Variants in PTPRU observed in about 807,000 individuals in gnomAD.
PTPRU encodes the protein receptor-type tyrosine-protein phosphatase U.
A neutral mutation model predicts 166.3 loss-of-function variants in PTPRU; 69 were observed. That is an observed-to-expected ratio of 0.41 (90% confidence interval 0.34 to 0.51). The LOEUF (loss-of-function observed/expected upper bound fraction) is 0.51. Among genes scored for constraint, PTPRU ranks in the 20% least tolerant of loss-of-function variants. The pLI is 0.09. For synonymous variants in PTPRU, 793 were observed against 814.0 expected, an observed-to-expected ratio of 0.97 and a Z score of 0.44; for missense variants, 1,657 against 2,013.7, an observed-to-expected ratio of 0.82 and a Z score of 3.39.
chr1:29,313,228 C>A (rs1340411503), intron 22 of PTPRU, among the ~76,000 whole-genome samples: 2 of 152,090 alleles, frequency 1.3e-5, no homozygotes, highest in African/African-American at 2.4e-5. Context: ...AAATGGGGAC[C>A]CAGTACGCTG....
intron 15 of PTPRU, among the ~76,000 whole-genome samples, chr1:29,297,387 A>C (rs1353786653): frequency 6.6e-6 from 1 of 152,162 alleles, no homozygotes; most frequent in African/African-American, 2.4e-5. Flanking sequence ...TTCAGCTTAC[A>C]AATCAGGAAA....
Position 29,258,646 on chromosome 1 carries a change from C to T in PTPRU, c.347C>T (p.Thr116Ile). The part of the protein sequence containing the change: ...LYSRDGHSPG[T>I]LGVYVRVNGG... The stretch of plus-strand genomic sequence containing the variant: ...AGCCGGGACGGGCACAGCCCGGGCA[C>T]CCTGGGCGTCTACGTGCGCGTTAAT... The change falls in exon 3 of 30, where the codon ACC becomes ATC. Residue 116 changes from threonine (T) to isoleucine (I), a missense_variant. By Grantham distance (89) the Thr-to-Ile change is moderately conservative. Coordinates refer to ENST00000373779, the MANE Select transcript of PTPRU (RefSeq NM_133178.4). The T allele has an allele frequency of 2.5e-6, 4 of 1,614,248 alleles. No individual in the cohort carries two copies. The highest frequency in any genetic ancestry group is 2.2e-5 in the South Asian group (2 of 91,092).
chr1:29,284,663 C>T (rs1686258171), intron 13 of PTPRU, 68 bp from the exon 14 acceptor site: 3 of 1,610,112 alleles, frequency 1.9e-6, no homozygotes, highest in African/African-American at 2.7e-5. Context: ...TGGGCACAGC[C>T]ACCTACAGGA....
chr1:29,242,581 T>A (rs1448412219), intron 1 of PTPRU, among the ~76,000 whole-genome samples: 1 of 152,230 alleles, frequency 6.6e-6, no homozygotes, highest in Non-Finnish European at 1.5e-5. Context: ...CTAGTCAGAT[T>A]TCAAGTCCTC....
Position 29,311,873 on chromosome 1 carries a change from C to A in PTPRU, c.3072+114C>A. ...GGGTGAGGAGCGCACCACTGCCCAT[C>A]CCAGCAAGGAAGCTACTTGGTCACT... On this transcript the variant is annotated intron_variant, in intron 21 of 29. Transcript: ENST00000373779. The surrounding 1 kb of genome is among the most constrained non-coding windows in gnomAD (Gnocchi z 4.1). 9.6e-7 allele frequency: 1 copy of A among 1,043,744 alleles called. No individual in the cohort carries two copies. The highest frequency in any genetic ancestry group is 1.4e-6 in the Non-Finnish European group (1 of 700,508). The allele number at this position is 1,043,744 out of a possible 1,614,324, so 64.7% of individuals were successfully genotyped here. A position where few individuals can be genotyped will look rare whatever the true frequency, so the allele number is the denominator to read the frequency against.
intron 18 of PTPRU, among the ~76,000 whole-genome samples, chr1:29,310,071 A>G (rs1194334864): frequency 6.6e-6 from 1 of 152,126 alleles, no homozygotes; most frequent in African/African-American, 2.4e-5. Flanking sequence ...TGGAGGATGA[A>G]GTAGCTCTTG....
chr1:29,311,585 A>G lies in PTPRU; in HGVS notation c.2955+32A>G. 1 of 1,614,088 alleles carries G rather than the reference A, an allele frequency of 6.2e-7. No individual in the cohort carries two copies. Among genetic ancestry groups the G allele is most frequent in the Non-Finnish European group, 8.5e-7 (1 of 1,179,948 alleles). On this transcript the variant is annotated intron_variant, in intron 20 of 29. Transcript: ENST00000373779. This position sits in a 1 kb window ranked among gnomAD's most constrained non-coding sequence, Gnocchi z 4.1. ...CGGGCTGTGGGGCGAGCTGGGGCGCATGGCAGGCCAAGGGGGCAGCAAAGA... is the reference window on the plus strand; with the variant it reads ...CGGGCTGTGGGGCGAGCTGGGGCGCGTGGCAGGCCAAGGGGGCAGCAAAGA...
chr1:29,281,984 A>G (rs1039074214), intron 11 of PTPRU, among the ~76,000 whole-genome samples: 13 of 152,372 alleles, frequency 8.5e-5, no homozygotes, highest in African/African-American at 3.1e-4. Flanking sequence ...ATAGAAACAC[A>G]GCTGGGACCA....
intron 11 of PTPRU, 81 bp from the exon 12 acceptor site, chr1:29,282,595 A>C: frequency 6.7e-7 from 1 of 1,497,664 alleles, no homozygotes; most frequent in Non-Finnish European, 8.9e-7. Flanking sequence ...TTGACCACAA[A>C]GCCCATGCCT....
At position 29,279,765 on chromosome 1, in the gene PTPRU, C is replaced by G; in HGVS notation, c.1765+108C>G. 2 of 1,324,620 alleles carry G rather than the reference C, an allele frequency of 1.5e-6. No individual in the cohort carries two copies. Among genetic ancestry groups the G allele is most frequent in the South Asian group, 1.3e-5 (1 of 79,770 alleles). The allele number at this position is 1,324,620 out of a possible 1,614,324, so 82.1% of individuals were successfully genotyped here. ...CATCCTGGGGGTAGTTACAGAGGGCCCCTGCTGAGATAAATATGCCATTTA... is the reference window on the plus strand; with the variant it reads ...CATCCTGGGGGTAGTTACAGAGGGCGCCTGCTGAGATAAATATGCCATTTA... On this transcript the variant is annotated intron_variant, in intron 10 of 29. Coordinates refer to ENST00000373779, the MANE Select transcript of PTPRU (RefSeq NM_133178.4). This position sits in a 1 kb window ranked among gnomAD's most constrained non-coding sequence, Gnocchi z 5.2.
In PTPRU at chr1:29,291,769, C is replaced by A; in HGVS notation, c.2319-100C>A. On this transcript the variant is annotated intron_variant, in intron 14 of 29. Coordinates refer to ENST00000373779, the MANE Select transcript of PTPRU (RefSeq NM_133178.4). This position sits in a 1 kb window ranked among gnomAD's most constrained non-coding sequence, Gnocchi z 4.1. ...ATGCTTCTAGGACAGCTGCTGGCTC[C>A]TGGCCTTGAGGTCCCCTTACTCCAG... 1 of 1,289,244 alleles carries A rather than the reference C, an allele frequency of 7.8e-7. No individual in the cohort carries two copies. Among genetic ancestry groups the A allele is most frequent in the Non-Finnish European group, 1.1e-6 (1 of 926,716 alleles). 79.9% of individuals were successfully genotyped at this position (1,289,244 alleles called of 1,614,324 possible).
In PTPRU at chr1:29,326,068, C is replaced by G; in HGVS notation, c.*407C>G. On this transcript the variant is annotated 3_prime_UTR_variant, in exon 30 of 30. Coordinates refer to ENST00000373779, the MANE Select transcript of PTPRU (RefSeq NM_133178.4). ...AGCATCCCAGGCCAAGGTTCCCACT[C>G]AGCCTGCCCCCTCTGCATGTGGGTA... is the stretch of plus-strand genomic sequence containing the variant. 2.5e-6 allele frequency: 1 copy of G among 402,416 alleles called. No homozygotes were observed. Among genetic ancestry groups the G allele is most frequent in the Non-Finnish European group, 4.4e-6 (1 of 229,210 alleles). The allele number at this position is 402,416 out of a possible 1,614,324, so 24.9% of individuals were successfully genotyped here.
chr1:29,258,399 C>G, intron 2 of PTPRU, 106 bp from the exon 3 acceptor site: 1 of 1,290,662 alleles, frequency 7.7e-7, no homozygotes, highest in Non-Finnish European at 1.1e-6. Flanking sequence ...TCCCTGACTC[C>G]TGGTGGGTCC....
intron 1 of PTPRU, among the ~76,000 whole-genome samples, chr1:29,252,430 G>T (rs545426335): frequency 2.3e-4 from 35 of 152,178 alleles, no homozygotes; most frequent in Admixed American, 2.2e-3. Context: ...ACCACACCCA[G>T]CTAATTTTTT....
At chr1:29,276,903 A>G (rs1685830829) in intron 8 of PTPRU, among the ~76,000 whole-genome samples, 1 of 152,276 alleles carries the variant, frequency 6.6e-6, no homozygotes, top group Admixed American at 6.5e-5. Flanking sequence ...CATTTCTAAT[A>G]TACGTGTTTA....
intron 7 of PTPRU, among the ~76,000 whole-genome samples, chr1:29,266,972 C>T (rs1002209950): frequency 6.6e-6 from 1 of 152,118 alleles, no homozygotes; most frequent in Non-Finnish European, 1.5e-5. Context: ...TACCTTTTAT[C>T]CCAGTGCTTT....
intron 25 of PTPRU, among the ~76,000 whole-genome samples, chr1:29,319,847 G>A (rs1033280532): frequency 1.3e-5 from 2 of 151,612 alleles, no homozygotes; most frequent in African/African-American, 4.8e-5. Flanking sequence ...AGGGAGGGGG[G>A]ACATGGCACA....
intron 15 of PTPRU, among the ~76,000 whole-genome samples, chr1:29,293,478 GTTTTT>G (rs370297342): frequency 1.5e-5 from 2 of 135,902 alleles, no homozygotes; most frequent in African/African-American, 5.4e-5. Context: ...GTAGTTTTTT[GTTTTT>G]TTTTTTTTTG....
At chr1:29,241,080 T>A (rs976901999) in intron 1 of PTPRU, among the ~76,000 whole-genome samples, 4 of 152,130 alleles carry the variant, frequency 2.6e-5, no homozygotes, top group African/African-American at 9.7e-5. Context: ...ATGTGACCTG[T>A]TAGGGTGTCT....
Sources: allele counts gnomAD v4.1 joint callset (sites outside exome capture counted in the v4.1 genomes callset), GRCh38; gene constraint gnomAD v4.1.1; non-coding constraint Gnocchi (gnomAD v3.1); transcripts MANE v1.5; gene names NCBI Gene and HGNC (gene_info 2026-07-23, HGNC 2026-07-21).